KIAA1328: variants seen among roughly 807,000 people sequenced by gnomAD.
KIAA1328 encodes the protein KIAA1328.
In KIAA1328, 52 loss-of-function variants were observed where a neutral mutation model predicts 68.1. That is an observed-to-expected ratio of 0.76 (90% CI 0.61 to 0.96). The LOEUF (loss-of-function observed/expected upper bound fraction) is 0.96. KIAA1328 is among the 40% of genes least tolerant of loss of function. The probability of loss-of-function intolerance (pLI) is 0.00; values close to 1 mark genes in which losing one functional copy is unlikely to be tolerated. For missense variants in KIAA1328, 641 were observed against 677.6 expected (o/e 0.95, Z 0.60); for synonymous variants, 232 against 239.4 (o/e 0.97, Z 0.28).
At chr18:37,142,734 C>A (rs2058796336) in intron 7 of KIAA1328, among the ~76,000 whole-genome samples, 1 of 151,992 alleles carries the variant, frequency 6.6e-6, no homozygotes, top group Non-Finnish European at 1.5e-5. Flanking sequence ...TATAGTAAAT[C>A]TTGAAATTAG....
At chr18:37,065,677 TTTGA>T (rs1254445542) in intron 6 of KIAA1328, among the ~76,000 whole-genome samples, 2 of 152,226 alleles carry the variant, frequency 1.3e-5, no homozygotes, top group Non-Finnish European at 2.9e-5. Context: ...TTCAGTTTAG[TTTGA>T]TTAAGTTTCT....
chr18:37,195,282 G>T (rs1441247849), intron 9 of KIAA1328, among the ~76,000 whole-genome samples: 1 of 151,918 alleles, frequency 6.6e-6, no homozygotes, highest in Non-Finnish European at 1.5e-5. Flanking sequence ...CCTTCACTTT[G>T]TTGTTTCCTT....
intron 7 of KIAA1328, among the ~76,000 whole-genome samples, chr18:37,082,452 G>A (rs374859716): frequency 6.6e-6 from 1 of 152,110 alleles, no homozygotes; most frequent in Non-Finnish European, 1.5e-5. Flanking sequence ...GATTACAGGC[G>A]TGAGCCACCC....
At chr18:37,005,409 C>T (rs1302207467) in intron 6 of KIAA1328, among the ~76,000 whole-genome samples, 4 of 144,268 alleles carry the variant, frequency 2.8e-5, no homozygotes, top group South Asian at 2.4e-4. Flanking sequence ...TACCATCTTA[C>T]CTTAGTCAGA....
chr18:37,023,178 G>A (rs2054414107), intron 6 of KIAA1328, among the ~76,000 whole-genome samples: 1 of 152,116 alleles, frequency 6.6e-6, no homozygotes, highest in Non-Finnish European at 1.5e-5. Flanking sequence ...TTACAGGCAT[G>A]AGCCACCACA....
chr18:37,031,534 AC>A (rs1396316645), intron 6 of KIAA1328, among the ~76,000 whole-genome samples: 2 of 152,084 alleles, frequency 1.3e-5, no homozygotes, highest in Non-Finnish European at 2.9e-5. Flanking sequence ...CAGTCCTTCT[AC>A]TTTTACTCCA....
chr18:36,914,027 T>G (rs1167448441), intron 5 of KIAA1328, among the ~76,000 whole-genome samples: 1 of 152,204 alleles, frequency 6.6e-6, no homozygotes, highest in Non-Finnish European at 1.5e-5. Context: ...GTAATCTCTG[T>G]AATCTAGATT....
At chr18:36,976,222 C>T (rs1037943476) in intron 6 of KIAA1328, among the ~76,000 whole-genome samples, 2 of 152,180 alleles carry the variant, frequency 1.3e-5, no homozygotes, top group Admixed American at 6.5e-5. Context: ...TAATTTTGGA[C>T]AGTGTAGTTC....
chr18:37,060,513 C>T (rs537554096), intron 6 of KIAA1328, among the ~76,000 whole-genome samples: 16 of 152,208 alleles, frequency 1.1e-4, no homozygotes, highest in Middle Eastern at 3.4e-3. Context: ...CACGTGAATG[C>T]GGAGCAACTG....
chr18:37,137,758 T>C (rs72894332), intron 7 of KIAA1328, among the ~76,000 whole-genome samples: 20,812 of 152,208 alleles, frequency 0.14, 1,762 homozygotes, highest in Admixed American at 0.18. Flanking sequence ...TCCTTCTCAA[T>C]AGACCTCTTT....
chr18:37,002,218 A>G (rs1481599932), intron 6 of KIAA1328, among the ~76,000 whole-genome samples: 3 of 119,978 alleles, frequency 2.5e-5, no homozygotes, highest in African/African-American at 9.1e-5. Flanking sequence ...CTTTTTCTTC[A>G]TTTTTTTTTC....
At chr18:37,026,466 A>C (rs1240005254) in intron 6 of KIAA1328, among the ~76,000 whole-genome samples, 3 of 152,296 alleles carry the variant, frequency 2.0e-5, no homozygotes, top group East Asian at 3.9e-4. Context: ...TCGATGCAAA[A>C]ATCCTCAATA....
intron 5 of KIAA1328, among the ~76,000 whole-genome samples, chr18:36,933,886 G>A (rs1399702060): frequency 1.3e-5 from 2 of 152,218 alleles, no homozygotes; most frequent in Non-Finnish European, 2.9e-5. Context: ...TCTTGGCCTT[G>A]CAGTTGACTA....
chr18:37,131,699 G>A (rs868476574), intron 7 of KIAA1328, among the ~76,000 whole-genome samples: 20 of 152,186 alleles, frequency 1.3e-4, no homozygotes, highest in African/African-American at 3.9e-4. Flanking sequence ...CAACTATACA[G>A]TAGTGCCTGT....
chr18:37,214,805 T>A (rs1257480724), intron 9 of KIAA1328, among the ~76,000 whole-genome samples: 1 of 152,178 alleles, frequency 6.6e-6, no homozygotes, highest in Non-Finnish European at 1.5e-5. Flanking sequence ...CTTCCATTTG[T>A]TTGTGTCCTT....
chr18:37,064,838 C>CAAGG (rs2056289452), intron 6 of KIAA1328, among the ~76,000 whole-genome samples: 1 of 152,018 alleles, frequency 6.6e-6, no homozygotes, highest in African/African-American at 2.4e-5. Flanking sequence ...CTAAAAAAGG[C>CAAGG]AAGGAAGCTG....
chr18:36,959,915 A>G (rs1422817619), intron 6 of KIAA1328, among the ~76,000 whole-genome samples: 7 of 152,192 alleles, frequency 4.6e-5, no homozygotes, highest in Non-Finnish European at 7.3e-5. Flanking sequence ...TATGTAGGAG[A>G]GTATTTATAT....
intron 9 of KIAA1328, among the ~76,000 whole-genome samples, chr18:37,178,452 G>GTA (rs1290720022): frequency 6.6e-6 from 1 of 152,102 alleles, no homozygotes; most frequent in Non-Finnish European, 1.5e-5. Flanking sequence ...TATTCACTGT[G>GTA]TATATATACC....
intron 7 of KIAA1328, among the ~76,000 whole-genome samples, chr18:37,112,611 A>G (rs575103440): frequency 3.3e-5 from 5 of 152,364 alleles, no homozygotes; most frequent in African/African-American, 1.2e-4. Flanking sequence ...CTCCAAAGGA[A>G]CGCAGGTCCT....
Sources: gnomAD v4.1 joint callset for allele counts (sites outside exome capture counted in the v4.1 genomes callset) on GRCh38, gnomAD v4.1.1 for gene constraint, MANE v1.5 for transcripts, NCBI Gene and HGNC (gene_info 2026-07-23, HGNC 2026-07-21) for gene names.